TTLL2: variants seen among roughly 807,000 people sequenced by gnomAD.
TTLL2 encodes tubulin tyrosine ligase like 2, also known as probable tubulin polyglutamylase TTLL2.
TTLL2 carries 10 observed loss-of-function variants against 7.5 expected under a neutral mutation model. The ratio of observed to expected loss-of-function variants is 1.33; its 90% CI spans 0.82 to 2.25. TTLL2 has a LOEUF of 2.25. Ranked by LOEUF, TTLL2 falls within the 30% of genes most tolerant of loss-of-function variation. TTLL2 has a pLI of 0.00. For missense variants in TTLL2, 733 were observed against 735.7 expected, an observed-to-expected ratio of 1.00 and a Z score of 0.04; for synonymous variants, 284 against 280.3, an observed-to-expected ratio of 1.01 and a Z score of -0.13.
chr6:167,336,366 G>C (rs1055092059), intron 1 of TTLL2, among the ~76,000 whole-genome samples: 2 of 151,878 alleles, frequency 1.3e-5, no homozygotes, highest in East Asian at 3.9e-4. Flanking sequence ...ATCTAATTAA[G>C]TATTGTCACT....
intron 2 of TTLL2, 21 bp downstream of exon 2, chr6:167,338,824 GTTCCTTCCTTCCTTCCTTCC>G: frequency 2.8e-6 from 3 of 1,060,210 alleles, no homozygotes; most frequent in South Asian, 2.1e-5. Context: ...AAGCCAGGTA[GTTCCTTCCTTCCTTCCTTCC>G]TTCCTTCCTT....
intron 1 of TTLL2, among the ~76,000 whole-genome samples, chr6:167,327,309 T>C (rs2115207134): frequency 6.6e-6 from 1 of 152,316 alleles, no homozygotes; most frequent in South Asian, 2.1e-4. Context: ...TGAGTTATCA[T>C]CTTACATTGT....
At chr6:167,332,233 C>T (rs1778928217) in intron 1 of TTLL2, among the ~76,000 whole-genome samples, 1 of 152,144 alleles carries the variant, frequency 6.6e-6, no homozygotes, top group Non-Finnish European at 1.5e-5. Flanking sequence ...CTGTTTGTTA[C>T]AGCACGGGGT....
chr6:167,328,740 C>A (rs1354404212), intron 1 of TTLL2, among the ~76,000 whole-genome samples: 1 of 152,158 alleles, frequency 6.6e-6, no homozygotes, highest in African/African-American at 2.4e-5. Flanking sequence ...GGACATCCAC[C>A]TCCATTGCCT....
chr6:167,328,357 G>A (rs762619271), intron 1 of TTLL2: 3 of 318,570 alleles, frequency 9.4e-6, no homozygotes, highest in African/African-American at 4.3e-5. Flanking sequence ...TTGCCATGGG[G>A]CCCCATACAC....
At position 167,338,188 on chromosome 6, in the gene TTLL2, C is replaced by T. The variant is rs1779015847; in HGVS notation, c.48-459C>T. ...CACACAGCACATACAACACACAACTCGTGCATACCACATGCAACACACAAC... is the reference window on the plus strand; with the variant it reads ...CACACAGCACATACAACACACAACTTGTGCATACCACATGCAACACACAAC... On this transcript the variant is annotated intron_variant, in intron 1 of 2. Coordinates refer to ENST00000239587, the MANE Select transcript of TTLL2 (RefSeq NM_031949.5). Among the ~76,000 whole-genome samples the T allele has an allele frequency of 6.6e-5, 10 of 151,476 alleles. 1 individual carries two copies. The highest frequency in any genetic ancestry group is 5.9e-4 in the Admixed American group (9 of 15,196).
chr6:167,340,284 C>G lies in TTLL2; in HGVS notation c.384C>G (p.Ser128=), dbSNP rs1490244028. Residue 128 remains serine, a synonymous_variant, in exon 3 of 3, where the codon TCC becomes TCG. Transcript: ENST00000239587. The part of the protein sequence containing the change: ...AEDWNLYWRT[S]SFRMTEHNSV... ...ACTGGAACCTGTACTGGAGGACATC[C>G]TCTTTCCGAATGACCGAACACAACA... 2.5e-6 allele frequency: 4 copies of G among 1,614,076 alleles called. No homozygotes were observed. In the East Asian group the frequency reaches 6.7e-5, roughly 27 times the overall value.
Position 167,340,368 on chromosome 6 carries a change from A to G in TTLL2, c.468A>G (p.Lys156=). The change falls in exon 3 of 3, where the codon AAA becomes AAG. Residue 156 remains lysine (K), a synonymous_variant. Transcript: ENST00000239587. The stretch of plus-strand genomic sequence containing the variant: ...CTGGAACCACCAAGCTTACCAGGAA[A>G]GACTGTTTGGCCAAACACCTGAAGC... The part of the protein sequence containing the change: ...HHPGTTKLTR[K]DCLAKHLKHM... 3 of 1,614,174 alleles carry G rather than the reference A, an allele frequency of 1.9e-6. No individual in the cohort carries two copies. Among genetic ancestry groups the G allele is most frequent in the Non-Finnish European group, 2.5e-6 (3 of 1,180,034 alleles).
chr6:167,332,732 G>A (rs1339814936), intron 1 of TTLL2, among the ~76,000 whole-genome samples: 1 of 119,810 alleles, frequency 8.3e-6, no homozygotes, highest in African/African-American at 3.4e-5. Context: ...TCATGATTTG[G>A]CTCTCTGTTT....
intron 2 of TTLL2, among the ~76,000 whole-genome samples, 154 bp from the exon 3 acceptor site, chr6:167,339,951 T>C (rs1319375961): frequency 6.6e-6 from 1 of 152,078 alleles, no homozygotes; most frequent in Non-Finnish European, 1.5e-5. Flanking sequence ...GATGGGTGCA[T>C]TGGTGAAGAG....
At chr6:167,337,151 G>A (rs545676158) in intron 1 of TTLL2, among the ~76,000 whole-genome samples, 1 of 152,370 alleles carries the variant, frequency 6.6e-6, no homozygotes, top group East Asian at 1.9e-4. Flanking sequence ...CTTCAAGTCT[G>A]AGAAAGGCAG....
rs1028399273 is a variant in TTLL2 at position 167,338,807 on chromosome 6, G to A, written c.204+4G>A. On this transcript the variant is annotated splice_donor_region_variant and intron_variant, in intron 2 of 2. Transcript: ENST00000239587. The stretch of plus-strand genomic sequence containing the variant: ...AACACCAACACTGGAGAAGAAGGTG[G>A]GTGGGCAAGCCAGGTAGTTCCTTCC... The A allele has an allele frequency of 6.4e-7, 1 of 1,570,666 alleles. No homozygotes were observed. Among genetic ancestry groups the A allele is most frequent in the East Asian group, 2.4e-5 (1 of 42,448 alleles).
At chr6:167,325,253 G>A in intron 1 of TTLL2, 33 bp downstream of exon 1, 2 of 1,510,070 alleles carry the variant, frequency 1.3e-6, no homozygotes, top group South Asian at 2.5e-5. Flanking sequence ...AGGATGGGAG[G>A]GTGGCCCCGA....
At chr6:167,338,954 C>A in intron 2 of TTLL2, 151 bp downstream of exon 2, 2 of 800,086 alleles carry the variant, frequency 2.5e-6, no homozygotes, top group Non-Finnish European at 3.7e-6. Context: ...CTCCTTCCTG[C>A]TCTCCCTCTT....
chr6:167,341,910 G>T lies in TTLL2; in HGVS notation c.*231G>T. 1 of 513,770 alleles carries T rather than the reference G, an allele frequency of 1.9e-6. No individual in the cohort carries two copies. The allele number at this position is 513,770 out of a possible 1,614,324, so 31.8% of individuals were successfully genotyped here. On this transcript the variant is annotated 3_prime_UTR_variant, in exon 3 of 3. Transcript: ENST00000239587. ...CCATGTTTATTTGCTCAGGTGTCTT[G>T]AAAGAATTCTACAAATACCACACAG...
chr6:167,331,954 T>C (rs1182333788), intron 1 of TTLL2, among the ~76,000 whole-genome samples: 39 of 152,250 alleles, frequency 2.6e-4, no homozygotes, highest in Non-Finnish European at 2.9e-5. Flanking sequence ...GGGGGCTGTA[T>C]GATTCGTGAA....
chr6:167,326,291 T>C (rs1778847436), intron 1 of TTLL2, among the ~76,000 whole-genome samples: 5 of 152,156 alleles, frequency 3.3e-5, no homozygotes, highest in African/African-American at 1.2e-4. Context: ...AATAATAAAA[T>C]AATTATTCTG....
rs555329306 is a variant in TTLL2, at chr6:167,325,120, C to T, written c.-54C>T. 3.4e-4 allele frequency: 524 copies of T among 1,543,732 alleles called. No individual in the cohort carries two copies. The highest frequency in any genetic ancestry group is 4.2e-4 in the Non-Finnish European group (483 of 1,142,462). On this transcript the variant is annotated 5_prime_UTR_variant, in exon 1 of 3. Coordinates refer to ENST00000239587, the MANE Select transcript of TTLL2 (RefSeq NM_031949.5). ...TCCAGCCTCCGCGCATTTCAGCTGG[C>T]GCTGCAGCTGCTGCACAGAGACCCA...
intron 1 of TTLL2, among the ~76,000 whole-genome samples, chr6:167,326,273 T>C (rs1778847247): frequency 6.6e-6 from 1 of 152,122 alleles, no homozygotes; most frequent in Non-Finnish European, 1.5e-5. Context: ...GTGCATGATT[T>C]CTGGTTTAAT....
Sources: gnomAD v4.1 joint callset for allele counts (sites outside exome capture counted in the v4.1 genomes callset) on GRCh38, gnomAD v4.1.1 for gene constraint, MANE v1.5 for transcripts, NCBI Gene and HGNC (gene_info 2026-07-23, HGNC 2026-07-21) for gene names.